The following RAD51B variants were observed in gnomAD, a reference collection of about 807,000 sequenced individuals.
The protein encoded by RAD51B is DNA repair protein RAD51 homolog 2.
In RAD51B, 38 loss-of-function variants were observed where a neutral mutation model predicts 42.2. The observed-to-expected ratio is 0.90, with a 90% CI of 0.70 to 1.18. The LOEUF (loss-of-function observed/expected upper bound fraction) is 1.18, where lower values mean the gene tolerates loss of function less well. Among genes scored for constraint, RAD51B ranks in the 50% most tolerant of loss-of-function variants. The probability of loss-of-function intolerance (pLI) is 0.00; values close to 1 mark genes in which losing one functional copy is unlikely to be tolerated. For synonymous variants in RAD51B, 154 were observed against 145.2 expected (o/e 1.06, Z -0.43); for missense variants, 373 against 400.7 (o/e 0.93, Z 0.59).
At chr14:68,011,608 A>G (rs1032217331) in intron 7 of RAD51B, among the ~76,000 whole-genome samples, 2 of 152,050 alleles carry the variant, frequency 1.3e-5, no homozygotes, top group African/African-American at 4.8e-5. Flanking sequence ...ACTTTTTTCT[A>G]CTTTGATTAT....
chr14:68,111,795 A>G (rs34777538), intron 7 of RAD51B, among the ~76,000 whole-genome samples: 2,817 of 152,214 alleles, frequency 0.019, 99 homozygotes, highest in African/African-American at 0.063. Context: ...ATTACATCCC[A>G]TAACAGACTC....
At chr14:67,953,298 A>G (rs1200796842) in intron 7 of RAD51B, among the ~76,000 whole-genome samples, 1 of 152,106 alleles carries the variant, frequency 6.6e-6, no homozygotes, top group South Asian at 2.1e-4. Context: ...AGAAAACAGC[A>G]TGGGCAAAGA....
intron 7 of RAD51B, among the ~76,000 whole-genome samples, chr14:68,109,113 A>G (rs1344097859): frequency 3.3e-5 from 5 of 151,978 alleles, no homozygotes; most frequent in African/African-American, 1.2e-4. Flanking sequence ...TAATTATATC[A>G]TTAAAAAATG....
chr14:67,859,881 C>T (rs1159301556), intron 4 of RAD51B, among the ~76,000 whole-genome samples: 2 of 151,912 alleles, frequency 1.3e-5, no homozygotes, highest in East Asian at 1.9e-4. Context: ...AGTGCAATGA[C>T]GCGATCTCGG....
intron 10 of RAD51B, among the ~76,000 whole-genome samples, chr14:68,506,278 C>T (rs1478482709): frequency 5.3e-5 from 8 of 152,204 alleles, no homozygotes; most frequent in Admixed American, 1.3e-4. Flanking sequence ...TGCACATTAG[C>T]GAGTGAAGCT....
At chr14:67,953,103 A>G (rs1351151113) in intron 7 of RAD51B, among the ~76,000 whole-genome samples, 1 of 152,182 alleles carries the variant, frequency 6.6e-6, no homozygotes, top group Non-Finnish European at 1.5e-5. Flanking sequence ...TAGAATATAA[A>G]TATTCAAACA....
intron 7 of RAD51B, among the ~76,000 whole-genome samples, chr14:68,089,404 C>T (rs890653596): frequency 2.6e-5 from 4 of 152,086 alleles, no homozygotes; most frequent in African/African-American, 4.8e-5. Context: ...AGTCCTTTTT[C>T]GCCTTTTCCT....
At chr14:67,906,493 G>A (rs1404125289) in intron 7 of RAD51B, among the ~76,000 whole-genome samples, 2 of 151,998 alleles carry the variant, frequency 1.3e-5, no homozygotes, top group Admixed American at 6.6e-5. Context: ...TTTACATCAG[G>A]TGGGCTTTGG....
At chr14:68,639,471 C>T (rs1423767672) in intron 10 of RAD51B, among the ~76,000 whole-genome samples, 2 of 152,198 alleles carry the variant, frequency 1.3e-5, no homozygotes, top group African/African-American at 4.8e-5. Flanking sequence ...GATGGGTAGT[C>T]CCTGGTGGGC....
intron 9 of RAD51B, among the ~76,000 whole-genome samples, chr14:68,440,216 GT>G (rs2085252468): frequency 6.6e-6 from 1 of 152,204 alleles, no homozygotes; most frequent in African/African-American, 2.4e-5. Context: ...AGCATTCTGA[GT>G]TTTTTGTGAG....
rs59465805 is a variant in RAD51B at position 67,948,931 on chromosome 14, C to CAAAAAAAAAAAAAA, written c.756+61741_756+61754dup. The stretch of plus-strand genomic sequence containing the variant: ...TGGGTGACAGAGTGAGACTCTGTCT[C>CAAAAAAAAAAAAAA]AAAAAAAAAAAAAAAAAAAAAAAAA... On this transcript the variant is annotated intron_variant, in intron 7 of 10. Coordinates refer to ENST00000471583, the MANE Select transcript of RAD51B (RefSeq NM_133510.4). Among the ~76,000 whole-genome samples, 24 of 17,058 alleles carry CAAAAAAAAAAAAAA rather than the reference C, an allele frequency of 1.4e-3. 2 individuals are homozygous for CAAAAAAAAAAAAAA. Among genetic ancestry groups the CAAAAAAAAAAAAAA allele is most frequent in the East Asian group, 9.4e-3 (4 of 424 alleles). The allele number at this position is 17,058 out of a possible 152,430, so 11.2% of individuals were successfully genotyped here.
rs572397895 is a variant in RAD51B, at chr14:68,637,287, C to T, written c.1037-13494C>T. ...AGAGATGGGCTCTTGCTATGTTGTC[C>T]AGGCTGGTCTTGAACTCCTGGCCTC... On this transcript the variant is annotated intron_variant, in intron 10 of 11. Transcript: ENST00000488612. 2.0e-5 allele frequency among the ~76,000 whole-genome samples: 3 copies of T among 152,244 alleles called. No homozygotes were observed. In the South Asian group the frequency reaches 6.2e-4, roughly 32 times the overall value.
intron 5 of RAD51B, among the ~76,000 whole-genome samples, chr14:67,869,713 G>C (rs2042456382): frequency 2.6e-5 from 4 of 152,262 alleles, no homozygotes; most frequent in African/African-American, 9.6e-5. Flanking sequence ...TCAAAGGGAA[G>C]CCCATCAGAC....
chr14:68,602,721 A>G (rs1891275748), intron 10 of RAD51B, among the ~76,000 whole-genome samples: 1 of 152,310 alleles, frequency 6.6e-6, no homozygotes, highest in African/African-American at 2.4e-5. Flanking sequence ...GATTACTCAA[A>G]GTCTACTGAT....
chr14:67,932,415 A>G (rs1432453039), intron 7 of RAD51B, among the ~76,000 whole-genome samples: 1 of 152,182 alleles, frequency 6.6e-6, no homozygotes, highest in Non-Finnish European at 1.5e-5. Flanking sequence ...GATGCTAGGC[A>G]GGCCACTTTT....
rs111545386 is a variant in RAD51B, at chr14:68,384,331, T to C, written c.854-27093T>C. 5.8e-3 allele frequency among the ~76,000 whole-genome samples: 880 copies of C among 152,288 alleles called. 8 individuals are homozygous for C. Among genetic ancestry groups the C allele is most frequent in the African/African-American group, 0.02 (829 of 41,552 alleles). On this transcript the variant is annotated intron_variant, in intron 8 of 10. Transcript: ENST00000471583. Reference sequence around the variant, plus strand: ...ATTATTACACAGATTATTATAAAAATGAACCAACACTCAAAAGTACAAGGC... The same window carrying C: ...ATTATTACACAGATTATTATAAAAACGAACCAACACTCAAAAGTACAAGGC...
chr14:68,070,333 T>G (rs1430338152), intron 7 of RAD51B, among the ~76,000 whole-genome samples: 1 of 152,188 alleles, frequency 6.6e-6, no homozygotes, highest in Non-Finnish European at 1.5e-5. Context: ...TTTTGGAGTC[T>G]TTGTCTTGAA....
chr14:68,563,603 C>G (rs1307142933), intron 10 of RAD51B: 1 of 985,336 alleles, frequency 1.0e-6, no homozygotes, highest in Non-Finnish European at 1.2e-6. Flanking sequence ...GGTTTCCTGA[C>G]AGCTGCCTGC....
rs143844403 is a variant in RAD51B at position 68,125,735 on chromosome 14, G to A, written c.757-166149G>A. Among the ~76,000 whole-genome samples, 14 of 151,098 alleles carry A rather than the reference G, an allele frequency of 9.3e-5. No individual in the cohort carries two copies. The East Asian group carries it at 2.5e-3, about 27-fold the overall frequency. ...CCATTGTAACCATGTAGGTATTTAA[G>A]AGGTTTTTGTTTTGTTTTGTTTTGT... On this transcript the variant is annotated intron_variant, in intron 7 of 10. Transcript: ENST00000471583.
Sources: allele counts gnomAD v4.1 joint callset (sites outside exome capture counted in the v4.1 genomes callset), GRCh38; gene constraint gnomAD v4.1.1; transcripts MANE v1.5; gene names NCBI Gene and HGNC (gene_info 2026-07-23, HGNC 2026-07-21).